LRRC4C: variants seen among roughly 807,000 people sequenced by gnomAD.
LRRC4C encodes leucine rich repeat containing 4C.
A neutral mutation model predicts 33.6 loss-of-function variants in LRRC4C; 5 were observed. That is an observed-to-expected ratio of 0.15 (90% CI 0.08 to 0.31). The LOEUF (loss-of-function observed/expected upper bound fraction) is 0.31. LRRC4C is among the 10% of genes least tolerant of loss of function. The pLI, the probability that LRRC4C is intolerant of heterozygous loss-of-function variation, is 1.00. For synonymous variants in LRRC4C, 329 were observed against 302.0 expected (o/e 1.09, Z -0.93); for missense variants, 560 against 796.7 (o/e 0.70, Z 3.58).
At chr11:40,208,951 G>A (rs1339177336) in intron 5 of LRRC4C, among the ~76,000 whole-genome samples, 1 of 148,348 alleles carries the variant, frequency 6.7e-6, no homozygotes, top group Non-Finnish European at 1.5e-5. Flanking sequence ...TTGTGCACGT[G>A]TGTGTGTGTG....
intron 3 of LRRC4C, among the ~76,000 whole-genome samples, chr11:40,628,094 T>C (rs1963122825): frequency 6.6e-6 from 1 of 152,224 alleles, no homozygotes; most frequent in Non-Finnish European, 1.5e-5. Context: ...TTATTTTCTA[T>C]GAACGACTAG....
At chr11:40,422,025 C>G (rs1228484436) in intron 3 of LRRC4C, among the ~76,000 whole-genome samples, 1 of 152,218 alleles carries the variant, frequency 6.6e-6, no homozygotes, top group Admixed American at 6.5e-5. Flanking sequence ...AAATACGCTC[C>G]TTAGTCTCTA....
intron 2 of LRRC4C, among the ~76,000 whole-genome samples, chr11:40,823,924 CATGAT>C (rs1952048451): frequency 1.3e-5 from 2 of 151,728 alleles, no homozygotes; most frequent in Admixed American, 6.6e-5. Flanking sequence ...ATTGATACAA[CATGAT>C]ATAACTATAA....
At chr11:40,956,323 G>A (rs921368677) in intron 1 of LRRC4C, among the ~76,000 whole-genome samples, 1 of 151,650 alleles carries the variant, frequency 6.6e-6, no homozygotes, top group African/African-American at 2.4e-5. Flanking sequence ...TATAAATTAC[G>A]AGCAAACATT....
chr11:40,303,375 A>T (rs1031336092), intron 4 of LRRC4C, among the ~76,000 whole-genome samples: 1 of 152,158 alleles, frequency 6.6e-6, no homozygotes, highest in Non-Finnish European at 1.5e-5. Flanking sequence ...CAATATAATG[A>T]AGTACTCCCT....
chr11:41,365,573 A>T (rs1379410507), intron 1 of LRRC4C, among the ~76,000 whole-genome samples: 2 of 152,138 alleles, frequency 1.3e-5, no homozygotes, highest in Non-Finnish European at 2.9e-5. Flanking sequence ...AATAAATATG[A>T]AATAGCATTT....
rs184884709 is a variant in LRRC4C, at chr11:40,496,551, G to A, written c.-270+151591C>T. Among the ~76,000 whole-genome samples the A allele has an allele frequency of 1.7e-4, 26 of 151,958 alleles. 1 individual carries two copies. Among genetic ancestry groups the A allele is most frequent in the Admixed American group, 1.4e-3 (22 of 15,266 alleles). On this transcript the variant is annotated intron_variant, in intron 3 of 6. Coordinates refer to ENST00000528697, the MANE Select transcript of LRRC4C (RefSeq NM_001258419.2). The stretch of plus-strand genomic sequence containing the variant: ...TTTTTTTAATCAGAGACTCAAATCC[G>A]CATAGACCATCCTACTTAAGACTCA...
chr11:40,665,364 G>GTATATATA (rs1189493857), intron 2 of LRRC4C, among the ~76,000 whole-genome samples: 2 of 24,602 alleles, frequency 8.1e-5, no homozygotes, highest in African/African-American at 2.8e-4. Flanking sequence ...ATATATATAT[G>GTATATATA]TATATATATA....
intron 2 of LRRC4C, among the ~76,000 whole-genome samples, chr11:40,881,735 T>A (rs1358640513): frequency 6.6e-6 from 1 of 151,996 alleles, no homozygotes; most frequent in African/African-American, 2.4e-5. Flanking sequence ...AGATGTAAAA[T>A]TTTAATCACC....
intron 2 of LRRC4C, among the ~76,000 whole-genome samples, chr11:40,836,477 C>T (rs1952672528): frequency 6.6e-6 from 1 of 152,110 alleles, no homozygotes. Flanking sequence ...ATCTTATGCA[C>T]TCTTTAGGGG....
chr11:40,248,069 T>A (rs1415875441), intron 4 of LRRC4C, among the ~76,000 whole-genome samples: 1 of 152,148 alleles, frequency 6.6e-6, no homozygotes, highest in African/African-American at 2.4e-5. Flanking sequence ...AGTAAAAGCC[T>A]TGTGACATGA....
At chr11:40,596,252 A>G (rs907358100) in intron 3 of LRRC4C, among the ~76,000 whole-genome samples, 3 of 152,154 alleles carry the variant, frequency 2.0e-5, no homozygotes, top group Non-Finnish European at 2.9e-5. Flanking sequence ...CAAGAGAGAA[A>G]TTCAAAATTA....
At chr11:40,351,632 C>T (rs572829114) in intron 3 of LRRC4C, 3 of 151,994 alleles carry the variant, frequency 2.0e-5, no homozygotes, top group Non-Finnish European at 4.4e-5. Context: ...CCTTGTTATA[C>T]TCTTCCCCCC....
chr11:41,430,779 C>G lies in LRRC4C; in HGVS notation c.-496+28652G>C, dbSNP rs1380805713. The stretch of plus-strand genomic sequence containing the variant: ...GTTATTGTAAAACACTTTGAGTGTA[C>G]CTATATTTTTGTGTATATATATATA... On this transcript the variant is annotated intron_variant, in intron 1 of 6. Transcript: ENST00000528697. 2.0e-4 allele frequency among the ~76,000 whole-genome samples: 30 copies of G among 151,734 alleles called. 1 individual carries two copies.
intron 1 of LRRC4C, among the ~76,000 whole-genome samples, chr11:41,374,443 A>G (rs1005705170): frequency 2.5e-4 from 38 of 152,340 alleles, no homozygotes; most frequent in African/African-American, 8.9e-4. Flanking sequence ...TCCAACTTAT[A>G]GGATATACAG....
At chr11:41,449,921 C>A (rs1322183257) in intron 1 of LRRC4C, among the ~76,000 whole-genome samples, 1 of 152,116 alleles carries the variant, frequency 6.6e-6, no homozygotes, top group Admixed American at 6.6e-5. Flanking sequence ...TATGAAACTA[C>A]CTGGCAAATT....
chr11:41,205,533 T>C (rs1946566176), intron 1 of LRRC4C, among the ~76,000 whole-genome samples: 1 of 152,200 alleles, frequency 6.6e-6, no homozygotes, highest in South Asian at 2.1e-4. Context: ...TTGTAGCTTC[T>C]AAATCACAGA....
chr11:41,312,587 T>C (rs1950673243), intron 1 of LRRC4C, among the ~76,000 whole-genome samples: 1 of 152,226 alleles, frequency 6.6e-6, no homozygotes, highest in South Asian at 2.1e-4. Context: ...CTTAGCTCAA[T>C]AAATGTCAGC....
intron 1 of LRRC4C, among the ~76,000 whole-genome samples, chr11:41,246,761 G>A (rs1461107017): frequency 6.6e-6 from 1 of 152,174 alleles, no homozygotes; most frequent in Non-Finnish European, 1.5e-5. Flanking sequence ...TCACTGAGAA[G>A]AAAAAGGAAG....
Sources: allele counts gnomAD v4.1 joint callset (sites outside exome capture counted in the v4.1 genomes callset), GRCh38; gene constraint gnomAD v4.1.1; transcripts MANE v1.5; gene names NCBI Gene and HGNC (gene_info 2026-07-23, HGNC 2026-07-21).